RRN3: variants seen among roughly 807,000 people sequenced by gnomAD.
The protein encoded by RRN3 is RNA polymerase I transcription factor RRN3, also known as RNA polymerase I-specific transcription initiation factor RRN3.
A neutral mutation model predicts 82.3 loss-of-function variants in RRN3; 38 were observed. The ratio of observed to expected loss-of-function variants is 0.46; its 90% CI spans 0.36 to 0.61. RRN3 has a LOEUF of 0.61. RRN3 is among the 20% of genes least tolerant of loss of function. The pLI is 0.00. For synonymous variants in RRN3, 284 were observed against 284.3 expected (o/e 1.00, Z 0.01); for missense variants, 726 against 793.1 (o/e 0.92, Z 1.02).
At chr16:15,086,475 C>G (rs1464160716) in intron 3 of RRN3, 21 bp from the exon 4 acceptor site, 1 of 1,609,470 alleles carries the variant, frequency 6.2e-7, no homozygotes. Context: ...ACAAAGAGTA[C>G]TTTCAAAATC....
chr16:15,076,700 C>G (rs1299484405), intron 9 of RRN3, 50 bp from the exon 10 acceptor site: 1 of 1,326,464 alleles, frequency 7.5e-7, no homozygotes, highest in South Asian at 1.2e-5. Context: ...AAAAATACAA[C>G]TATGTTATTT....
chr16:15,093,852 A>G, intron 1 of RRN3: 2 of 441,606 alleles, frequency 4.5e-6, no homozygotes, highest in Non-Finnish European at 8.0e-6. Context: ...AGAAGAGGGA[A>G]GGAAGAGGGG....
rs558126339 is a variant in RRN3, at chr16:15,076,882, G to A, written c.766-232C>T. 7.2e-5 allele frequency among the ~76,000 whole-genome samples: 11 copies of A among 151,880 alleles called. No individual in the cohort carries two copies. The East Asian group carries it at 1.2e-3, about 16-fold the overall frequency. On this transcript the variant is annotated intron_variant, in intron 9 of 17. Coordinates refer to ENST00000198767, the MANE Select transcript of RRN3 (RefSeq NM_018427.5). ...TTTTACTACATACTTATATAAAATCGACAACTATCACATGATGCTCTATGC... is the reference window on the plus strand; with the variant it reads ...TTTTACTACATACTTATATAAAATCAACAACTATCACATGATGCTCTATGC...
At chr16:15,086,500 A>G (rs765103374) in intron 3 of RRN3, 46 bp from the exon 4 acceptor site, 9 of 1,607,412 alleles carry the variant, frequency 5.6e-6, no homozygotes, top group Non-Finnish European at 7.6e-6. Context: ...ATCCTCTAAC[A>G]TAACAGAAAT....
At chr16:15,083,940 T>C (rs1262958564) in intron 7 of RRN3, among the ~76,000 whole-genome samples, 1 of 152,180 alleles carries the variant, frequency 6.6e-6, no homozygotes, top group Non-Finnish European at 1.5e-5. Context: ...GGTCTCGAAC[T>C]CCCGACCTCA....
At chr16:15,089,295 G>A (rs1312612124) in intron 3 of RRN3, among the ~76,000 whole-genome samples, 3 of 151,966 alleles carry the variant, frequency 2.0e-5, no homozygotes, top group Admixed American at 6.6e-5. Flanking sequence ...TGTTCTGCCC[G>A]TCCCCAAAAA....
At chr16:15,093,525 CCA>C (rs1176049757) in intron 1 of RRN3, among the ~76,000 whole-genome samples, 3 of 152,136 alleles carry the variant, frequency 2.0e-5, no homozygotes, top group African/African-American at 7.2e-5. Context: ...ACCACTGTCC[CCA>C]GTGTTTAACA....
At chr16:15,063,684 G>A in intron 16 of RRN3, among the ~76,000 whole-genome samples, 1 of 113,006 alleles carries the variant, frequency 8.8e-6, no homozygotes. Context: ...CAGCCTGGGA[G>A]ACAGAGCAAG....
In RRN3 at chr16:15,076,766, A is replaced by G. The variant is rs553451823; in HGVS notation, c.766-116T>C. 47 of 696,802 alleles carry G rather than the reference A, an allele frequency of 6.7e-5. No individual in the cohort carries two copies. The South Asian group carries it at 7.8e-4, about 12-fold the overall frequency. The allele number at this position is 696,802 out of a possible 1,614,324, so 43.2% of individuals were successfully genotyped here. On this transcript the variant is annotated intron_variant, in intron 9 of 17. Transcript: ENST00000198767. ...TTCAAGGTGTCCAGATTAGTGCCTT[A>G]TATCACACCCCAACACAATACACAA...
At chr16:15,075,365 G>C (rs1157789302) in intron 10 of RRN3, among the ~76,000 whole-genome samples, 1 of 151,944 alleles carries the variant, frequency 6.6e-6, no homozygotes, top group African/African-American at 2.4e-5. Context: ...TTGAGCTCAG[G>C]AACTTGAGAC....
rs966562553 is a variant in RRN3, at chr16:15,061,482, G to T, written c.*262C>A. ...CACAAAAAATGTACATATTAAACAA[G>T]CAAATCCTTCCAAATGTATCATCAA... is the stretch of plus-strand genomic sequence containing the variant. On this transcript the variant is annotated 3_prime_UTR_variant, in exon 18 of 18. Coordinates refer to ENST00000198767, the MANE Select transcript of RRN3 (RefSeq NM_018427.5). The T allele has an allele frequency of 7.7e-6, 3 of 390,558 alleles. No individual in the cohort carries two copies. Among genetic ancestry groups the T allele is most frequent in the Non-Finnish European group, 1.4e-5 (3 of 220,322 alleles). The allele number at this position is 390,558 out of a possible 1,614,324, so 24.2% of individuals were successfully genotyped here. A position where few individuals can be genotyped will look rare whatever the true frequency, so the allele number is the denominator to read the frequency against.
chr16:15,082,549 T>C (rs2045751699), intron 8 of RRN3, among the ~76,000 whole-genome samples: 1 of 151,952 alleles, frequency 6.6e-6, no homozygotes, highest in South Asian at 2.1e-4. Flanking sequence ...GCCCCATGTC[T>C]ATAGTCCCAC....
rs762933480 is a variant in RRN3, at chr16:15,083,545, A to G, written c.634T>C (p.Phe212Leu). 3.7e-6 allele frequency: 6 copies of G among 1,609,220 alleles called. No homozygotes were observed. The highest frequency in any genetic ancestry group is 4.2e-6 in the Non-Finnish European group (5 of 1,179,116). Residue 212 changes from phenylalanine (F) to leucine (L), a missense_variant, in exon 8 of 18, where the codon TTT becomes CTT. By Grantham distance (22) the Phe-to-Leu change is conservative. This residue lies in a region of RRN3 where 344 missense variants were observed against 394.5 expected (regional missense o/e 0.87). Transcript: ENST00000198767. Reference sequence around the variant, plus strand: ...CTCTCTGATTTTCGAACAAATGGAAATTTTTCCACCAGTATTGGCATGAGA... The same window carrying G: ...CTCTCTGATTTTCGAACAAATGGAAGTTTTTCCACCAGTATTGGCATGAGA... ...WFLMPILVEK[F>L]PFVRKSERTL...
At position 15,094,167 on chromosome 16, in the gene RRN3, T is replaced by A; in HGVS notation, c.67A>T (p.Lys23Ter). The A allele has an allele frequency of 1.2e-6, 2 of 1,602,208 alleles. No individual in the cohort carries two copies. Among genetic ancestry groups the A allele is most frequent in the Non-Finnish European group, 8.5e-7 (1 of 1,174,686 alleles). The change falls in exon 1 of 18, where the codon AAG becomes TAG. Residue 23 changes from lysine (K) to a stop codon, truncating the protein, a stop_gained. Coordinates refer to ENST00000198767, the MANE Select transcript of RRN3 (RefSeq NM_018427.5). LOFTEE classifies it high-confidence loss of function. The stretch of plus-strand genomic sequence containing the variant: ...TACCCAGTCCTCGACGCGCCCAGCT[T>A]CTTAACTGCAGAGGACGAAGCGGCC... ...DAAASSSAVKKLGASRTGISN... is the reference protein window; with the variant it reads ...DAAASSSAVK
chr16:15,076,741 T>C, intron 9 of RRN3, 91 bp from the exon 10 acceptor site: 1 of 878,298 alleles, frequency 1.1e-6, no homozygotes, highest in Non-Finnish European at 1.9e-6. Flanking sequence ...TATACGCATG[T>C]TCAAGGTGTC....
intron 15 of RRN3, among the ~76,000 whole-genome samples, chr16:15,066,226 A>G (rs1436938697): frequency 6.6e-6 from 1 of 152,154 alleles, no homozygotes. Flanking sequence ...GGTTTGCACT[A>G]TCAGGTAAAG....
intron 3 of RRN3, among the ~76,000 whole-genome samples, chr16:15,087,902 G>A (rs1205945735): frequency 6.6e-6 from 1 of 152,046 alleles, no homozygotes; most frequent in Non-Finnish European, 1.5e-5. Flanking sequence ...ATCACCTGAG[G>A]TTGGGAGTTC....
At chr16:15,066,178 C>T (rs1014246524) in intron 15 of RRN3, among the ~76,000 whole-genome samples, 1 of 152,146 alleles carries the variant, frequency 6.6e-6, no homozygotes. Context: ...ACCCCTCCTC[C>T]TGGTGGAGGA....
rs2046250508 is a variant in RRN3 at position 15,094,061 on chromosome 16, T to C, written c.89+84A>G. On this transcript the variant is annotated intron_variant, in intron 1 of 17. Transcript: ENST00000198767. ...CTCCTATCACACGCCATGAGCTTTG[T>C]CCCACATCCTTTCAATCCGCTCCTC... 3.1e-5 allele frequency: 39 copies of C among 1,244,568 alleles called. 1 individual carries two copies. The South Asian group carries it at 4.6e-4, about 15-fold the overall frequency. 77.1% of individuals were successfully genotyped at this position (1,244,568 alleles called of 1,614,324 possible).
Sources: gnomAD v4.1 joint callset for allele counts (sites outside exome capture counted in the v4.1 genomes callset) on GRCh38, gnomAD v4.1.1 for gene constraint, gnomAD v4.1.1 regional missense constraint, MANE v1.5 for transcripts, NCBI Gene and HGNC (gene_info 2026-07-23, HGNC 2026-07-21) for gene names.